MMS22L: variants seen among roughly 807,000 people sequenced by gnomAD.
MMS22L encodes protein MMS22-like.
Under a neutral mutation model 159.1 loss-of-function variants are expected in MMS22L, and 74 were observed. That is an observed-to-expected ratio of 0.47 (90% confidence interval 0.39 to 0.56). MMS22L has a LOEUF of 0.56. MMS22L is among the 20% of genes least tolerant of loss of function. The pLI, the probability that MMS22L is intolerant of heterozygous loss-of-function variation, is 0.00. For missense variants in MMS22L, 1,351 were observed against 1,422.1 expected, an observed-to-expected ratio of 0.95 and a Z score of 0.80; for synonymous variants, 517 against 506.9, an observed-to-expected ratio of 1.02 and a Z score of -0.27.
chr6:97,161,815 C>T (rs977337386), intron 22 of MMS22L, among the ~76,000 whole-genome samples, 187 bp downstream of exon 22: 3 of 151,986 alleles, frequency 2.0e-5, no homozygotes, highest in African/African-American at 7.2e-5. Context: ...CAAAACATCT[C>T]AGTTTTTAAC....
chr6:97,151,156 C>A (rs906138769), intron 23 of MMS22L, among the ~76,000 whole-genome samples: 1 of 152,176 alleles, frequency 6.6e-6, no homozygotes, highest in Non-Finnish European at 1.5e-5. Context: ...CCACTTTACT[C>A]TCTCAAACCC....
At chr6:97,159,131 A>G (rs1582395097) in intron 22 of MMS22L, among the ~76,000 whole-genome samples, 1 of 144,430 alleles carries the variant, frequency 6.9e-6, no homozygotes, top group Non-Finnish European at 1.5e-5. Flanking sequence ...GCAACCCCTG[A>G]TTTTTTTTTT....
In MMS22L at chr6:97,231,641, G is replaced by A. The variant is rs1447042408; in HGVS notation, c.1314C>T (p.Phe438=). The A allele has an allele frequency of 1.3e-6, 2 of 1,599,816 alleles. No homozygotes were observed. The highest frequency in any genetic ancestry group is 1.4e-5 in the African/African-American group (1 of 72,970). Residue 438 remains phenylalanine (F), a synonymous_variant, in exon 13 of 25, where the codon TTC becomes TTT. Coordinates refer to ENST00000683635, the MANE Select transcript of MMS22L (RefSeq NM_001350599.2). ...CTTTAAAAGGAAGCCAAGAAATACT[G>A]AAGGAACTATTCTAAAAGGGGGGAA... ...EYYSKNLNSS[F]SISWLPFKGL...
chr6:97,276,547 C>T (rs1029119821), intron 4 of MMS22L, among the ~76,000 whole-genome samples: 1 of 152,226 alleles, frequency 6.6e-6, no homozygotes, highest in African/African-American at 2.4e-5. Flanking sequence ...AAAGCCAACT[C>T]TGCTTTTATC....
intron 7 of MMS22L, among the ~76,000 whole-genome samples, chr6:97,268,405 G>A (rs549668945): frequency 6.6e-6 from 1 of 152,100 alleles, no homozygotes; most frequent in South Asian, 2.1e-4. Flanking sequence ...AGCCAGGATG[G>A]TCTCAATCTC....
chr6:97,154,551 T>C lies in MMS22L; in HGVS notation c.3386-2684A>G, dbSNP rs539457137. On this transcript the variant is annotated intron_variant, in intron 22 of 24. Transcript: ENST00000683635. ...TTCGAGGTCATGAAGATTTTTTTCC[T>C]ATATTTTCTTCAATGACTTTTACAA... 3.1e-4 allele frequency among the ~76,000 whole-genome samples: 47 copies of C among 152,298 alleles called. 2 individuals carry two copies. The South Asian group carries it at 9.3e-3, about 30-fold the overall frequency.
At chr6:97,163,815 G>A (rs1410612742) in intron 21 of MMS22L, among the ~76,000 whole-genome samples, 3 of 152,002 alleles carry the variant, frequency 2.0e-5, no homozygotes, top group African/African-American at 7.2e-5. Context: ...ACATTTTAAT[G>A]GAGAAAGCAA....
chr6:97,209,281 A>G (rs887083064), intron 14 of MMS22L, among the ~76,000 whole-genome samples: 6 of 152,082 alleles, frequency 3.9e-5, no homozygotes, highest in African/African-American at 1.4e-4. Flanking sequence ...TTTGCACACA[A>G]ACCAAAAAGC....
At chr6:97,226,709 A>C (rs555950658) in intron 14 of MMS22L, among the ~76,000 whole-genome samples, 7 of 152,180 alleles carry the variant, frequency 4.6e-5, no homozygotes, top group African/African-American at 1.7e-4. Context: ...GTGTGTATAT[A>C]TATGTATGTA....
rs775563559 is a variant in MMS22L, at chr6:97,282,395, T to C, written c.83A>G (p.Tyr28Cys). ...ELGTEWCKPP[Y>C]FSCAVDNRGG... ...TCTGTTGTCAACAGCACAAGAAAAG[T>C]AAGGAGGTTTGCACCATTCCGTCCC... is the stretch of plus-strand genomic sequence containing the variant. The change falls in exon 2 of 25, where the codon TAC (tyrosine) becomes TGC (cysteine). Residue 28 changes from tyrosine (Y) to cysteine (C), a missense_variant. Tyr to Cys is a radical substitution (Grantham distance 194, BLOSUM62 -2). Coordinates refer to ENST00000683635, the MANE Select transcript of MMS22L (RefSeq NM_001350599.2). 2 of 1,613,912 alleles carry C rather than the reference T, an allele frequency of 1.2e-6. No homozygotes were observed. The highest frequency in any genetic ancestry group is 1.1e-5 in the South Asian group (1 of 91,068).
At position 97,258,538 on chromosome 6, in the gene MMS22L, T is replaced by G. The variant is rs577172561; in HGVS notation, c.943-3805A>C. 19 of 152,324 alleles carry G rather than the reference T, an allele frequency of 1.2e-4. No individual in the cohort carries two copies. In the South Asian group the frequency reaches 3.5e-3, roughly 28 times the overall value. The allele number at this position is 152,324 out of a possible 1,614,324, so 9.4% of individuals were successfully genotyped here. On this transcript the variant is annotated intron_variant, in intron 9 of 24. Coordinates refer to ENST00000683635, the MANE Select transcript of MMS22L (RefSeq NM_001350599.2). The stretch of plus-strand genomic sequence containing the variant: ...ACACATATACATTTATATATAGTCC[T>G]ATATATTAAAAAGAAGTATTGCATA...
chr6:97,177,333 C>A (rs1304708066), intron 18 of MMS22L, among the ~76,000 whole-genome samples: 1 of 152,056 alleles, frequency 6.6e-6, no homozygotes, highest in East Asian at 1.9e-4. Flanking sequence ...GCATATAATG[C>A]CTTGTGTTAC....
intron 3 of MMS22L, among the ~76,000 whole-genome samples, chr6:97,280,720 A>AAGAAG (rs1260650922): frequency 1.3e-5 from 2 of 152,182 alleles, no homozygotes; most frequent in African/African-American, 2.4e-5. Context: ...CTTAGGCCAA[A>AAGAAG]AGAAGAGGAG....
At chr6:97,183,989 T>C (rs147493368) in intron 15 of MMS22L, among the ~76,000 whole-genome samples, 21 of 152,264 alleles carry the variant, frequency 1.4e-4, no homozygotes, top group Non-Finnish European at 2.2e-4. Flanking sequence ...AAAAGATTAA[T>C]CTAAATTTGC....
At chr6:97,207,644 G>A (rs1807922222) in intron 14 of MMS22L, among the ~76,000 whole-genome samples, 1 of 152,094 alleles carries the variant, frequency 6.6e-6, no homozygotes. Flanking sequence ...AGATCTCTGT[G>A]TACCAAGCAC....
chr6:97,254,326 C>T, intron 10 of MMS22L: 1 of 410,094 alleles, frequency 2.4e-6, no homozygotes, highest in Admixed American at 4.1e-5. Flanking sequence ...TGTTCAGTAG[C>T]AGGGCCAGGA....
chr6:97,208,304 T>C (rs1808003238), intron 14 of MMS22L, among the ~76,000 whole-genome samples: 1 of 152,122 alleles, frequency 6.6e-6, no homozygotes, highest in Admixed American at 6.6e-5. Flanking sequence ...TTGCTTAAAG[T>C]TCTCTTTCAA....
chr6:97,240,863 G>A (rs1055215045), intron 11 of MMS22L, among the ~76,000 whole-genome samples: 3 of 152,070 alleles, frequency 2.0e-5, no homozygotes, highest in Non-Finnish European at 4.4e-5. Flanking sequence ...CTGACCTCAG[G>A]TGATCCACCT....
At chr6:97,241,378 A>C (rs967107740) in intron 11 of MMS22L, among the ~76,000 whole-genome samples, 2 of 152,184 alleles carry the variant, frequency 1.3e-5, no homozygotes, top group African/African-American at 2.4e-5. Context: ...GAATATCCAT[A>C]ATGTTTTCCA....
Sources: allele counts gnomAD v4.1 joint callset (sites outside exome capture counted in the v4.1 genomes callset), GRCh38; gene constraint gnomAD v4.1.1; transcripts MANE v1.5; gene names NCBI Gene and HGNC (gene_info 2026-07-23, HGNC 2026-07-21).